CPNE4: variants seen among roughly 807,000 people sequenced by gnomAD.
The protein encoded by CPNE4 is copine-4.
In CPNE4, 25 loss-of-function variants were observed where a neutral mutation model predicts 67.9. That is an observed-to-expected ratio of 0.37 (90% CI 0.27 to 0.51). The LOEUF (loss-of-function observed/expected upper bound fraction) is 0.51, where lower values mean the gene tolerates loss of function less well. CPNE4 is among the 20% of genes least tolerant of loss of function. CPNE4 has a pLI of 0.93. For missense variants in CPNE4, 464 were observed against 690.8 expected (o/e 0.67, Z 3.68); for synonymous variants, 242 against 244.9 (o/e 0.99, Z 0.11).
chr3:131,610,244 ATAAGTAAC>A (rs1173463270), intron 7 of CPNE4, among the ~76,000 whole-genome samples: 3 of 152,200 alleles, frequency 2.0e-5, no homozygotes, highest in South Asian at 4.1e-4. Context: ...AGAAACACAG[ATAAGTAAC>A]TAAGCAACTA....
At chr3:131,882,216 T>C (rs1008734657) in intron 2 of CPNE4, among the ~76,000 whole-genome samples, 3 of 152,058 alleles carry the variant, frequency 2.0e-5, no homozygotes, top group African/African-American at 7.2e-5. Context: ...TAATAAGTTA[T>C]GGTTTAATTA....
chr3:131,771,439 G>A (rs1477386424), intron 2 of CPNE4, among the ~76,000 whole-genome samples: 1 of 152,084 alleles, frequency 6.6e-6, no homozygotes, highest in African/African-American at 2.4e-5. Context: ...CCCATTTTGG[G>A]TGAAGGGTGA....
chr3:131,628,548 G>A (rs1280134553), intron 7 of CPNE4, among the ~76,000 whole-genome samples: 4 of 152,264 alleles, frequency 2.6e-5, no homozygotes, highest in African/African-American at 9.6e-5. Flanking sequence ...TGGTTGGTAG[G>A]CTATTAATTA....
At chr3:131,775,905 T>C (rs1348973150) in intron 2 of CPNE4, among the ~76,000 whole-genome samples, 2 of 152,158 alleles carry the variant, frequency 1.3e-5, no homozygotes, top group Non-Finnish European at 2.9e-5. Context: ...AAGCACATCA[T>C]GAAGATAAAG....
intron 1 of CPNE4, among the ~76,000 whole-genome samples, chr3:131,954,712 T>C (rs528116542): frequency 1.3e-5 from 2 of 152,262 alleles, no homozygotes; most frequent in East Asian, 3.9e-4. Context: ...GTTCTCATTG[T>C]TTAATTCCCA....
intron 1 of CPNE4, among the ~76,000 whole-genome samples, chr3:132,012,833 A>G (rs1254383336): frequency 6.6e-6 from 1 of 152,208 alleles, no homozygotes; most frequent in African/African-American, 2.4e-5. Flanking sequence ...ATAAACCAAG[A>G]GTCTGCTAGT....
intron 14 of CPNE4, among the ~76,000 whole-genome samples, chr3:131,543,455 C>T (rs2107631802): frequency 6.6e-6 from 1 of 152,124 alleles, no homozygotes; most frequent in Non-Finnish European, 1.5e-5. Context: ...TAAGCTGTAA[C>T]TATAAAATCT....
chr3:131,795,720 G>A (rs1448829744), intron 2 of CPNE4, among the ~76,000 whole-genome samples: 6 of 152,198 alleles, frequency 3.9e-5, no homozygotes, highest in South Asian at 4.1e-4. Context: ...CTCGGGTCAC[G>A]CTAACAAGGC....
chr3:131,724,076 A>C lies in CPNE4; in HGVS notation c.181-451T>G, dbSNP rs186231813. ...GCCTAATGTGCCTGAGGTCACATCTAGGCTCAGGAGGAAAGAAATCTGTAA... is the reference window on the plus strand; with the variant it reads ...GCCTAATGTGCCTGAGGTCACATCTCGGCTCAGGAGGAAAGAAATCTGTAA... On this transcript the variant is annotated intron_variant, in intron 2 of 15. Transcript: ENST00000429747. 6.6e-4 allele frequency among the ~76,000 whole-genome samples: 100 copies of C among 152,230 alleles called. 1 individual carries two copies. The highest frequency in any genetic ancestry group is 6.5e-3 in the Admixed American group (100 of 15,294).
intron 2 of CPNE4, among the ~76,000 whole-genome samples, chr3:131,740,229 T>C (rs1366573381): frequency 6.6e-6 from 1 of 152,202 alleles, no homozygotes; most frequent in Non-Finnish European, 1.5e-5. Context: ...TCCTCATCTA[T>C]GTATAAGGAA....
chr3:131,547,493 AAAAAAAAAC>A (rs1935933587), intron 14 of CPNE4, among the ~76,000 whole-genome samples: 20 of 112,620 alleles, frequency 1.8e-4, no homozygotes, highest in South Asian at 3.0e-4. Flanking sequence ...AAAAAAAAAA[AAAAAAAAAC>A]CTAATAGTGT....
rs114526651 is a variant in CPNE4 at position 131,837,949 on chromosome 3, G to A, written c.180+67315C>T. Among the ~76,000 whole-genome samples the A allele has an allele frequency of 4.1e-3, 619 of 151,950 alleles. 6 individuals are homozygous for A. Among genetic ancestry groups the A allele is most frequent in the African/African-American group, 0.015 (607 of 41,494 alleles). ...CTCATTTCAAGTGTATAATTGAACAGTTTTTAGTAAGTTTACAGAGTTGCA... is the reference window on the plus strand; with the variant it reads ...CTCATTTCAAGTGTATAATTGAACAATTTTTAGTAAGTTTACAGAGTTGCA... On this transcript the variant is annotated intron_variant, in intron 2 of 15. Transcript: ENST00000429747.
At chr3:131,597,488 G>A (rs1333542351) in intron 7 of CPNE4, among the ~76,000 whole-genome samples, 1 of 152,138 alleles carries the variant, frequency 6.6e-6, no homozygotes, top group Non-Finnish European at 1.5e-5. Context: ...TATCCAGGGT[G>A]TTGAAAATAT....
chr3:131,566,784 G>A (rs1252085554), intron 10 of CPNE4, among the ~76,000 whole-genome samples: 1 of 151,944 alleles, frequency 6.6e-6, no homozygotes, highest in Non-Finnish European at 1.5e-5. Context: ...GGTGTACATA[G>A]TGTTTAAAAG....
chr3:131,866,463 T>A (rs1206746045), intron 2 of CPNE4, among the ~76,000 whole-genome samples: 1 of 152,122 alleles, frequency 6.6e-6, no homozygotes, highest in Non-Finnish European at 1.5e-5. Flanking sequence ...AAGGCTGACA[T>A]CTATGGGAAG....
intron 2 of CPNE4, among the ~76,000 whole-genome samples, chr3:131,788,865 T>A (rs2107873253): frequency 6.6e-6 from 1 of 152,210 alleles, no homozygotes; most frequent in African/African-American, 2.4e-5. Context: ...CACATATATA[T>A]ATAATACTAA....
intron 1 of CPNE4, among the ~76,000 whole-genome samples, chr3:131,930,916 G>A (rs541613454): frequency 5.7e-4 from 87 of 152,112 alleles, no homozygotes; most frequent in Non-Finnish European, 1.1e-3. Flanking sequence ...ACATGCCTGC[G>A]CCTCTCATAA....
rs144133840 is a variant in CPNE4, at chr3:131,724,619, A to G, written c.181-994T>C. ...GAGGTGCAGGCATGCCTCTATACAC[A>G]CACATTCTGCTAGCAGACTTCCTTC... On this transcript the variant is annotated intron_variant, in intron 2 of 15. Transcript: ENST00000429747. Among the ~76,000 whole-genome samples the G allele has an allele frequency of 1.1e-3, 165 of 152,284 alleles. No individual in the cohort carries two copies. In the Middle Eastern group the frequency reaches 0.017, roughly 16 times the overall value.
intron 1 of CPNE4, among the ~76,000 whole-genome samples, chr3:131,954,299 T>C (rs2613982): frequency 0.074 from 11,324 of 152,230 alleles, 554 homozygotes; most frequent in Admixed American, 0.15. Flanking sequence ...ACAGAACATA[T>C]GAATGCTCAA....
Sources: allele counts gnomAD v4.1 joint callset (sites outside exome capture counted in the v4.1 genomes callset), GRCh38; gene constraint gnomAD v4.1.1; transcripts MANE v1.5; gene names NCBI Gene and HGNC (gene_info 2026-07-23, HGNC 2026-07-21).